The following NUMA1 variants were observed in gnomAD, a reference collection of about 807,000 sequenced individuals.
NUMA1 encodes the protein nuclear mitotic apparatus protein 1, also known as SP-H antigen.
NUMA1 carries 62 observed loss-of-function variants against 237.1 expected under a neutral mutation model. The observed-to-expected ratio is 0.26, with a 90% CI of 0.21 to 0.32. The LOEUF (loss-of-function observed/expected upper bound fraction) is 0.32. Ranked by LOEUF, NUMA1 falls within the 10% of genes least tolerant of loss-of-function variation. The probability of loss-of-function intolerance (pLI) is 1.00; values close to 1 mark genes in which losing one functional copy is unlikely to be tolerated. For missense variants in NUMA1, 2,533 were observed against 2,666.5 expected (o/e 0.95, Z 1.10); for synonymous variants, 1,028 against 1,066.1 (o/e 0.96, Z 0.70).
At chr11:72,023,834 AG>A (rs1939219286) in intron 5 of NUMA1, among the ~76,000 whole-genome samples, 1 of 152,174 alleles carries the variant, frequency 6.6e-6, no homozygotes, top group Non-Finnish European at 1.5e-5. Flanking sequence ...ACAAGCAGTG[AG>A]GGGGGTCAAG....
At chr11:72,059,544 C>T (rs1362857847) in intron 2 of NUMA1, among the ~76,000 whole-genome samples, 1 of 152,220 alleles carries the variant, frequency 6.6e-6, no homozygotes, top group African/African-American at 2.4e-5. Context: ...GCTGGGATTA[C>T]AGGTGTGAGC....
intron 2 of NUMA1, chr11:72,067,201 C>A (rs1345992060): frequency 6.6e-6 from 1 of 152,138 alleles, no homozygotes; most frequent in Non-Finnish European, 1.5e-5. Context: ...TTTGGGGTAG[C>A]CTGTAGGATC....
Position 72,009,349 on chromosome 11 carries a change from G to A in NUMA1, c.4758C>T (p.Ala1586=). The A allele has an allele frequency of 6.2e-7, 1 of 1,612,504 alleles. No individual in the cohort carries two copies. Among genetic ancestry groups the A allele is most frequent in the East Asian group, 2.2e-5 (1 of 44,882 alleles). Residue 1586 remains alanine, a synonymous_variant, in exon 18 of 27, where the codon GCC becomes GCT. Transcript: ENST00000393695. ...QAQGGESQQE[A]QRLQAQLNEL... is the part of the protein sequence containing the mutation. The stretch of plus-strand genomic sequence containing the variant: ...CATTCAGCTGGGCCTGGAGGCGCTG[G>A]GCCTCCTGCTGGCTCTCGCCTCCCT...
intron 1 of NUMA1, among the ~76,000 whole-genome samples, chr11:72,080,082 C>T (rs1319727529): frequency 1.3e-5 from 2 of 152,102 alleles, no homozygotes; most frequent in Non-Finnish European, 2.9e-5. Context: ...CGGTGTAGCT[C>T]AGAAAATGCT....
At chr11:72,076,125 G>A (rs1301522603) in intron 1 of NUMA1, among the ~76,000 whole-genome samples, 1 of 152,228 alleles carries the variant, frequency 6.6e-6, no homozygotes, top group East Asian at 1.9e-4. Flanking sequence ...AGTAATCCCA[G>A]CACATTGGGA....
intron 12 of NUMA1, 56 bp downstream of exon 12, chr11:72,018,127 T>C (rs1938156420): frequency 3.0e-6 from 4 of 1,313,592 alleles, no homozygotes; most frequent in Non-Finnish European, 4.4e-6. Context: ...TTGGGGAGCC[T>C]TCCAGACCAC....
At chr11:72,012,580 G>C (rs772340205) in intron 15 of NUMA1, 138 bp from the exon 16 acceptor site, 5 of 866,938 alleles carry the variant, frequency 5.8e-6, no homozygotes, top group African/African-American at 1.7e-5. Flanking sequence ...AAAAATGCCA[G>C]TTAGGCTGAT....
intron 2 of NUMA1, 133 bp from the exon 3 acceptor site, chr11:72,036,108 G>A (rs1314577855): frequency 5.9e-6 from 4 of 673,436 alleles, no homozygotes; most frequent in African/African-American, 5.4e-5. Context: ...AAGACACCAT[G>A]GGAATTTTTA....
chr11:72,012,185 GT>G (rs1285726410), intron 16 of NUMA1: 10 of 550,976 alleles, frequency 1.8e-5, no homozygotes, highest in African/African-American at 1.3e-4. Context: ...GTGCAGAAGG[GT>G]GGAGAGGCCG....
At position 72,003,963 on chromosome 11, in the gene NUMA1, G is replaced by T; in HGVS notation, c.6260C>A (p.Ser2087Tyr). 6.2e-7 allele frequency: 1 copy of T among 1,613,382 alleles called. No individual in the cohort carries two copies. Among genetic ancestry groups the T allele is most frequent in the African/African-American group, 1.3e-5 (1 of 75,038 alleles). The change falls in exon 26 of 27, where the codon TCT becomes TAT. Residue 2087 changes from serine (S) to tyrosine (Y), a missense_variant. Around this residue, in one of 3 missense-constraint regions of NUMA1, gnomAD observed 795 missense variants for 750.8 expected, o/e 1.06. Coordinates refer to ENST00000393695, the MANE Select transcript of NUMA1 (RefSeq NM_006185.4). Reference sequence around the variant, plus strand: ...GGCTGTGGTGGTGGCAATGCGCGGAGAACGGCGGGTTCCACTGCGAGTGTT... The same window carrying T: ...GGCTGTGGTGGTGGCAATGCGCGGATAACGGCGGGTTCCACTGCGAGTGTT... ...SPNTRSGTRR[S>Y]PRIATTTASA...
chr11:72,012,723 CAG>C (rs1300778049), intron 15 of NUMA1, among the ~76,000 whole-genome samples, 170 bp downstream of exon 15: 1 of 152,150 alleles, frequency 6.6e-6, no homozygotes, highest in Admixed American at 6.5e-5. Flanking sequence ...TTTAGGATGA[CAG>C]GGGCAACAGA....
intron 3 of NUMA1, among the ~76,000 whole-genome samples, chr11:72,035,639 G>A (rs1414316292): frequency 6.6e-6 from 1 of 152,050 alleles, no homozygotes; most frequent in Admixed American, 6.5e-5. Flanking sequence ...TCGAACTCCT[G>A]ACCTCAGGTG....
At chr11:72,055,531 T>C (rs1185204358) in intron 2 of NUMA1, among the ~76,000 whole-genome samples, 1 of 151,966 alleles carries the variant, frequency 6.6e-6, no homozygotes, top group African/African-American at 2.4e-5. Flanking sequence ...AATAAAACAA[T>C]AGGGGGATAG....
chr11:72,060,198 T>C (rs1002486195), intron 2 of NUMA1, among the ~76,000 whole-genome samples: 2 of 152,218 alleles, frequency 1.3e-5, no homozygotes, highest in African/African-American at 4.8e-5. Flanking sequence ...GCCCATATTT[T>C]GTAAATCAGG....
At chr11:72,034,007 T>TG (rs1168189600) in intron 3 of NUMA1, among the ~76,000 whole-genome samples, 36 of 152,246 alleles carry the variant, frequency 2.4e-4, no homozygotes, top group Admixed American at 2.2e-3. Context: ...CCTAGCTACT[T>TG]GGGGGGCTGA....
intron 1 of NUMA1, among the ~76,000 whole-genome samples, chr11:72,073,137 T>C (rs1943542508): frequency 1.4e-5 from 2 of 147,130 alleles, no homozygotes; most frequent in Non-Finnish European, 1.5e-5. Flanking sequence ...GGCAGGAGGA[T>C]TGCTTGAGCT....
rs576261491 is a variant in NUMA1 at position 72,061,594 on chromosome 11, G to C, written c.-33+8248C>G. On this transcript the variant is annotated intron_variant, in intron 2 of 26. Coordinates refer to ENST00000393695, the MANE Select transcript of NUMA1 (RefSeq NM_006185.4). ...CAGCCTCAACCTCCCAGGCTCAAGC[G>C]ATCCTCCTTCCTCAGACTCCTGAGT... 2.4e-3 allele frequency among the ~76,000 whole-genome samples: 348 copies of C among 143,892 alleles called. 2 individuals are homozygous for C. The highest frequency in any genetic ancestry group is 8.6e-3 in the African/African-American group (336 of 38,952). The allele number at this position is 143,892 out of a possible 152,430, so 94.4% of individuals were successfully genotyped here. A position where few individuals can be genotyped will look rare whatever the true frequency, so the allele number is the denominator to read the frequency against.
intron 3 of NUMA1, 113 bp downstream of exon 3, chr11:72,035,789 T>C (rs912677021): frequency 6.5e-6 from 6 of 928,874 alleles, no homozygotes; most frequent in Admixed American, 1.9e-5. Flanking sequence ...GAAAACTATT[T>C]AGTCTAGAAA....
intron 2 of NUMA1, among the ~76,000 whole-genome samples, chr11:72,039,314 T>C (rs1178608160): frequency 1.3e-5 from 2 of 152,248 alleles, no homozygotes; most frequent in African/African-American, 2.4e-5. Context: ...GAACAAGTGA[T>C]AGGCCAAAGG....
Sources: gnomAD v4.1 joint callset for allele counts (sites outside exome capture counted in the v4.1 genomes callset) on GRCh38, gnomAD v4.1.1 for gene constraint, gnomAD v4.1.1 regional missense constraint, MANE v1.5 for transcripts, NCBI Gene and HGNC (gene_info 2026-07-23, HGNC 2026-07-21) for gene names.